Variants in KIF6 observed in about 807,000 individuals in gnomAD.
KIF6 encodes kinesin-like protein KIF6.
Under a neutral mutation model 112.7 loss-of-function variants are expected in KIF6, and 106 were observed. That is an observed-to-expected ratio of 0.94 (90% confidence interval 0.80 to 1.11). KIF6 has a LOEUF of 1.11. Ranked by LOEUF, KIF6 falls within the 50% of genes least tolerant of loss-of-function variation. KIF6 has a pLI of 0.00. For synonymous variants in KIF6, 339 were observed against 339.9 expected (o/e 1.00, Z 0.03); for missense variants, 929 against 964.0 (o/e 0.96, Z 0.48).
chr6:39,454,727 AGTTCCCTT>A (rs1306007543), intron 13 of KIF6, among the ~76,000 whole-genome samples: 2 of 152,112 alleles, frequency 1.3e-5, no homozygotes, highest in Non-Finnish European at 2.9e-5. Flanking sequence ...GGGGTCAGGG[AGTTCCCTT>A]TCCGAGTCAA....
At chr6:39,447,446 C>T (rs1472112982) in intron 13 of KIF6, among the ~76,000 whole-genome samples, 1 of 151,908 alleles carries the variant, frequency 6.6e-6, no homozygotes, top group African/African-American at 2.4e-5. Context: ...TTATTTCCAG[C>T]AGCACAAAGT....
intron 3 of KIF6, among the ~76,000 whole-genome samples, chr6:39,654,168 C>T (rs535316096): frequency 6.6e-6 from 1 of 152,256 alleles, no homozygotes; most frequent in South Asian, 2.1e-4. Flanking sequence ...GACAGTCAGT[C>T]ATATTTACTG....
intron 18 of KIF6, 59 bp downstream of exon 18, chr6:39,360,336 C>T: frequency 6.3e-7 from 1 of 1,599,336 alleles, no homozygotes; most frequent in Non-Finnish European, 8.5e-7. Context: ...TCTTGACAGC[C>T]CCAGTGGGGC....
At chr6:39,693,727 T>C (rs1232423737) in intron 3 of KIF6, among the ~76,000 whole-genome samples, 1 of 152,012 alleles carries the variant, frequency 6.6e-6, no homozygotes, top group African/African-American at 2.4e-5. Flanking sequence ...TATAGCAGAA[T>C]TCTACCAGAT....
chr6:39,691,156 A>T (rs895817120), intron 3 of KIF6: 1 of 152,250 alleles, frequency 6.6e-6, no homozygotes, highest in African/African-American at 2.4e-5. Context: ...ATTAGGAGAT[A>T]AACTTCTGAA....
At chr6:39,653,819 G>T (rs1276274601) in intron 3 of KIF6, among the ~76,000 whole-genome samples, 1 of 152,124 alleles carries the variant, frequency 6.6e-6, no homozygotes, top group Non-Finnish European at 1.5e-5. Context: ...GGATGCCGGT[G>T]GGGGGTAGTT....
chr6:39,456,713 T>C (rs1266545328), intron 13 of KIF6, among the ~76,000 whole-genome samples: 1 of 80,722 alleles, frequency 1.2e-5, no homozygotes. Flanking sequence ...AAGGCAGGGG[T>C]TGCAATCCTA....
At chr6:39,696,440 T>C (rs1788543292) in intron 3 of KIF6, among the ~76,000 whole-genome samples, 1 of 152,102 alleles carries the variant, frequency 6.6e-6, no homozygotes, top group Admixed American at 6.6e-5. Flanking sequence ...GTGATAAAGA[T>C]GGTGCAACGG....
chr6:39,561,404 T>C (rs1040420436), intron 10 of KIF6, among the ~76,000 whole-genome samples: 2 of 151,286 alleles, frequency 1.3e-5, no homozygotes, highest in African/African-American at 4.9e-5. Context: ...CAGGCTGGAG[T>C]GCGTTGGTAT....
chr6:39,550,495 C>T (rs560150954), intron 10 of KIF6, among the ~76,000 whole-genome samples: 18 of 152,158 alleles, frequency 1.2e-4, no homozygotes, highest in Admixed American at 7.2e-4. Context: ...AAACAAGGCT[C>T]GGGGGATGCA....
chr6:39,447,030 A>G (rs929306934), intron 13 of KIF6, among the ~76,000 whole-genome samples: 1 of 152,218 alleles, frequency 6.6e-6, no homozygotes, highest in African/African-American at 2.4e-5. Context: ...CACCCACAGC[A>G]ATCTGTTACG....
intron 3 of KIF6, among the ~76,000 whole-genome samples, chr6:39,669,807 C>T (rs1393559431): frequency 6.6e-6 from 1 of 152,190 alleles, no homozygotes; most frequent in East Asian, 1.9e-4. Context: ...CAGAGGTGGC[C>T]AGGTGCTGGC....
At chr6:39,423,940 A>C (rs1344129310) in intron 14 of KIF6, among the ~76,000 whole-genome samples, 1 of 152,080 alleles carries the variant, frequency 6.6e-6, no homozygotes, top group Non-Finnish European at 1.5e-5. Flanking sequence ...CCCACATTTT[A>C]GCCTGAGTGA....
At chr6:39,494,993 A>C (rs1009263508) in intron 13 of KIF6, among the ~76,000 whole-genome samples, 4 of 152,170 alleles carry the variant, frequency 2.6e-5, no homozygotes, top group African/African-American at 9.6e-5. Flanking sequence ...TGCCCAATTT[A>C]TTTAGGGAAA....
intron 12 of KIF6, among the ~76,000 whole-genome samples, chr6:39,541,094 T>C (rs57799480): frequency 0.043 from 6,572 of 152,288 alleles, 314 homozygotes; most frequent in East Asian, 0.27. Context: ...GAAGGCTCAT[T>C]AAAATGGGAG....
At chr6:39,710,558 C>T (rs887731149) in intron 3 of KIF6, among the ~76,000 whole-genome samples, 14 of 150,750 alleles carry the variant, frequency 9.3e-5, no homozygotes, top group East Asian at 1.9e-4. Flanking sequence ...TAGACTTTTT[C>T]ATTTCCTAGA....
chr6:39,346,531 GA>G lies in KIF6; in HGVS notation c.2181-6del. On this transcript the variant is annotated splice_region_variant and splice_polypyrimidine_tract_variant and intron_variant, in intron 19 of 22. Coordinates refer to ENST00000287152, the MANE Select transcript of KIF6 (RefSeq NM_145027.6). ...TGGACTTCCCAGCCTCCAGAACTGT[GA>G]AAAATAAACGTTTGTTGTTTGAGCC... The G allele has an allele frequency of 1.4e-6, 1 of 708,320 alleles. No homozygotes were observed. The highest frequency in any genetic ancestry group is 2.6e-6 in the Non-Finnish European group (1 of 384,156). The allele number at this position is 708,320 out of a possible 1,614,324, so 43.9% of individuals were successfully genotyped here. A position where few individuals can be genotyped will look rare whatever the true frequency, so the allele number is the denominator to read the frequency against.
intron 3 of KIF6, among the ~76,000 whole-genome samples, chr6:39,662,522 A>G (rs777878025): frequency 2.0e-5 from 3 of 152,214 alleles, no homozygotes; most frequent in Non-Finnish European, 4.4e-5. Context: ...ACTAAATGTA[A>G]AAATAGTCTC....
chr6:39,380,065 C>T (rs937345976), intron 16 of KIF6, among the ~76,000 whole-genome samples: 1 of 152,210 alleles, frequency 6.6e-6, no homozygotes, highest in East Asian at 1.9e-4. Context: ...ATCAACAATA[C>T]TAAATCATTT....
Sources: gnomAD v4.1 joint callset for allele counts (sites outside exome capture counted in the v4.1 genomes callset) on GRCh38, gnomAD v4.1.1 for gene constraint, MANE v1.5 for transcripts, NCBI Gene and HGNC (gene_info 2026-07-23, HGNC 2026-07-21) for gene names.